Variants in TICAM2 observed in about 807,000 individuals in gnomAD.
The protein encoded by TICAM2 is TIR domain-containing adapter molecule 2.
TICAM2 carries 8 observed loss-of-function variants against 7.3 expected under a neutral mutation model. The ratio of observed to expected loss-of-function variants is 1.10; its 90% CI spans 0.65 to 1.99. The LOEUF (loss-of-function observed/expected upper bound fraction) is 1.99, where lower values mean the gene tolerates loss of function less well. Ranked by LOEUF, TICAM2 falls within the 30% of genes most tolerant of loss-of-function variation. TICAM2 has a pLI of 0.00. For synonymous variants in TICAM2, 113 were observed against 99.6 expected (o/e 1.13, Z -0.80); for missense variants, 304 against 278.8 (o/e 1.09, Z -0.65).
chr5:115,596,175 C>T (rs1244592424), intron 1 of TICAM2, among the ~76,000 whole-genome samples: 1 of 152,154 alleles, frequency 6.6e-6, no homozygotes, highest in Non-Finnish European at 1.5e-5. Flanking sequence ...CAAATTGTTT[C>T]AAGTTTCCTC....
At chr5:115,586,771 T>A (rs1236224467) in intron 1 of TICAM2, among the ~76,000 whole-genome samples, 1 of 152,244 alleles carries the variant, frequency 6.6e-6, no homozygotes, top group Non-Finnish European at 1.5e-5. Flanking sequence ...AGTTTTGTTG[T>A]TAATAAATGT....
intron 1 of TICAM2, among the ~76,000 whole-genome samples, chr5:115,582,973 C>G (rs73782705): frequency 6.6e-6 from 1 of 152,210 alleles, no homozygotes; most frequent in South Asian, 2.1e-4. Flanking sequence ...CCGTCATTCA[C>G]TCTGTCTGTA....
intron 1 of TICAM2, among the ~76,000 whole-genome samples, chr5:115,599,304 G>GC (rs1291887943): frequency 2.0e-5 from 3 of 151,942 alleles, no homozygotes; most frequent in African/African-American, 4.8e-5. Context: ...CAAAGTAACT[G>GC]CCCCCCACCA....
At chr5:115,600,280 G>A (rs1184892485) in intron 1 of TICAM2, among the ~76,000 whole-genome samples, 1 of 152,192 alleles carries the variant, frequency 6.6e-6, no homozygotes, top group African/African-American at 2.4e-5. Flanking sequence ...ATGCCTATCA[G>A]ACTTCCAAGT....
Position 115,602,239 on chromosome 5 carries a change from C to G in TICAM2, c.-202G>C, listed in dbSNP as rs1286569254. 1.3e-5 allele frequency: 2 copies of G among 152,818 alleles called. No individual in the cohort carries two copies. The highest frequency in any genetic ancestry group is 3.8e-4 in the East Asian group (2 of 5,200). The allele number at this position is 152,818 out of a possible 1,614,324, so 9.5% of individuals were successfully genotyped here. A position where few individuals can be genotyped will look rare whatever the true frequency, so the allele number is the denominator to read the frequency against. Reference sequence around the variant, plus strand: ...GTACGCGGCGCGCCGCAACCCAGTCCCCGCGACCACAGCAGCCTGCTCCCC... The same window carrying G: ...GTACGCGGCGCGCCGCAACCCAGTCGCCGCGACCACAGCAGCCTGCTCCCC... On this transcript the variant is annotated 5_prime_UTR_variant, in exon 1 of 2. Coordinates refer to ENST00000427199, the MANE Select transcript of TICAM2 (RefSeq NM_021649.7).
chr5:115,580,277 T>C lies in TICAM2; in HGVS notation c.*272A>G, dbSNP rs190669402. ...TGTTCAAGGTTCAATACAAGGAATA[T>C]GGATTGAGAATTCCTTTTTCATATC... On this transcript the variant is annotated 3_prime_UTR_variant, in exon 2 of 2. Coordinates refer to ENST00000427199, the MANE Select transcript of TICAM2 (RefSeq NM_021649.7). The C allele has an allele frequency of 3.6e-5, 12 of 334,696 alleles. No individual in the cohort carries two copies. The South Asian group carries it at 7.5e-4, about 21-fold the overall frequency. 20.7% of individuals were successfully genotyped at this position (334,696 alleles called of 1,614,324 possible).
Position 115,581,285 on chromosome 5 carries a change from C to T in TICAM2, c.-29G>A, listed in dbSNP as rs777084810. The T allele has an allele frequency of 1.9e-6, 3 of 1,601,556 alleles. No homozygotes were observed. Among genetic ancestry groups the T allele is most frequent in the African/African-American group, 1.3e-5 (1 of 75,000 alleles). On this transcript the variant is annotated 5_prime_UTR_variant, in exon 2 of 2. Coordinates refer to ENST00000427199, the MANE Select transcript of TICAM2 (RefSeq NM_021649.7). Reference sequence around the variant, plus strand: ...AAATATCCAAGGCAGAAGAGGAAAACTTTATGTATTTCTCAGCATTTCTTT... The same window carrying T: ...AAATATCCAAGGCAGAAGAGGAAAATTTTATGTATTTCTCAGCATTTCTTT...
chr5:115,594,011 T>G (rs1468118538), intron 1 of TICAM2, among the ~76,000 whole-genome samples: 2 of 152,224 alleles, frequency 1.3e-5, no homozygotes, highest in Admixed American at 1.3e-4. Flanking sequence ...CTCTATGCGC[T>G]TTTGTGTTCT....
At chr5:115,590,263 T>C (rs387718) in intron 1 of TICAM2, among the ~76,000 whole-genome samples, 85,025 of 151,992 alleles carry the variant, frequency 0.56, 24,395 homozygotes, top group African/African-American at 0.71. Context: ...TGAGCCATGA[T>C]TGCACCACTG....
rs1754908961 is a variant in TICAM2 at position 115,581,156 on chromosome 5, G to A, written c.101C>T (p.Ser34Phe). The A allele has an allele frequency of 1.2e-6, 2 of 1,613,788 alleles. No homozygotes were observed. Among genetic ancestry groups the A allele is most frequent in the Non-Finnish European group, 1.7e-6 (2 of 1,180,012 alleles). ...DTSPGYHESD[S>F]KKSEDLSLCN... ...CAAGGATAGATCTTCAGACTTCTTGGAATCTGACTCATGATATCCTGGACT... is the reference window on the plus strand; with the variant it reads ...CAAGGATAGATCTTCAGACTTCTTGAAATCTGACTCATGATATCCTGGACT... The change falls in exon 2 of 2, where the codon TCC (serine) becomes TTC (phenylalanine). Residue 34 changes from serine (S) to phenylalanine (F), a missense_variant. Physicochemically the swap from Ser to Phe is radical, Grantham distance 155. Transcript: ENST00000427199.
intron 1 of TICAM2, among the ~76,000 whole-genome samples, chr5:115,586,460 A>C (rs1356786606): frequency 1.3e-5 from 2 of 150,208 alleles, no homozygotes; most frequent in African/African-American, 2.4e-5. Context: ...CTAGCAAAGG[A>C]GGCAGAAAAG....
intron 1 of TICAM2, among the ~76,000 whole-genome samples, chr5:115,583,696 G>A (rs1755009167): frequency 6.6e-6 from 1 of 152,220 alleles, no homozygotes; most frequent in Non-Finnish European, 1.5e-5. Flanking sequence ...TTAGTGCACT[G>A]TGGTTCCCAG....
chr5:115,599,453 G>C (rs954533055), intron 1 of TICAM2, among the ~76,000 whole-genome samples: 1 of 152,160 alleles, frequency 6.6e-6, no homozygotes, highest in African/African-American at 2.4e-5. Context: ...AAGGCAAACT[G>C]TCCATCTTAT....
chr5:115,595,967 T>A (rs1281962739), intron 1 of TICAM2, among the ~76,000 whole-genome samples: 1 of 152,192 alleles, frequency 6.6e-6, no homozygotes, highest in Non-Finnish European at 1.5e-5. Context: ...CCAGCACTCT[T>A]AATTTGTCTT....
rs776205137 is a variant in TICAM2, at chr5:115,580,773, T to C, written c.484A>G (p.Asn162Asp). ...QFYTSLMNSV[N>D]RQHKYNSVIP... The stretch of plus-strand genomic sequence containing the variant: ...ACAGAGTTGTATTTATGCTGCCTGT[T>C]AACGGAGTTCATTAGGGACGTATAG... Residue 162 changes from asparagine (N) to aspartate (D), a missense_variant, in exon 2 of 2, where the codon AAC (asparagine) becomes GAC (aspartate). By Grantham distance (23) the Asn-to-Asp change is conservative. Transcript: ENST00000427199. 6.3e-7 allele frequency: 1 copy of C among 1,597,992 alleles called. No individual in the cohort carries two copies.
At chr5:115,589,871 ATAAAT>A (rs1351517461) in intron 1 of TICAM2, among the ~76,000 whole-genome samples, 2 of 152,238 alleles carry the variant, frequency 1.3e-5, no homozygotes, top group Admixed American at 6.5e-5. Context: ...TTGTGAATGA[ATAAAT>A]TAATTAGCTC....
Position 115,580,980 on chromosome 5 carries a change from C to T in TICAM2, c.277G>A (p.Ala93Thr). 6.2e-7 allele frequency: 1 copy of T among 1,613,712 alleles called. No individual in the cohort carries two copies. Among genetic ancestry groups the T allele is most frequent in the Non-Finnish European group, 8.5e-7 (1 of 1,179,808 alleles). Residue 93 changes from alanine to threonine, a missense_variant, in exon 2 of 2, where the codon GCC (alanine) becomes ACC (threonine). Physicochemically the swap from Ala to Thr is moderately conservative, Grantham distance 58. Coordinates refer to ENST00000427199, the MANE Select transcript of TICAM2 (RefSeq NM_021649.7). ...ILHAEDDTDEALRVQNLLQDD... is the reference protein window; with the variant it reads ...ILHAEDDTDETLRVQNLLQDD... ...TGTAGCAGATTCTGGACTCTGAGGGCTTCATCTGTGTCATCTTCTGCATGC... is the reference window on the plus strand; with the variant it reads ...TGTAGCAGATTCTGGACTCTGAGGGTTTCATCTGTGTCATCTTCTGCATGC...
At chr5:115,597,308 T>C (rs1561578939) in intron 1 of TICAM2, among the ~76,000 whole-genome samples, 1 of 152,200 alleles carries the variant, frequency 6.6e-6, no homozygotes, top group African/African-American at 2.4e-5. Context: ...ATGCAATCTA[T>C]GGAGATATTT....
rs975301012 is a variant in TICAM2 at position 115,579,312 on chromosome 5, T to C, written c.*1237A>G. ...CATCCTCATAGAGGACAAAAGCCTTTAGAGATCCATCAATTCAACCCTTTC... is the reference window on the plus strand; with the variant it reads ...CATCCTCATAGAGGACAAAAGCCTTCAGAGATCCATCAATTCAACCCTTTC... On this transcript the variant is annotated 3_prime_UTR_variant, in exon 2 of 2. Transcript: ENST00000427199. 2.6e-5 allele frequency: 4 copies of C among 152,650 alleles called. No homozygotes were observed. The highest frequency in any genetic ancestry group is 9.6e-5 in the African/African-American group (4 of 41,470). The allele number at this position is 152,650 out of a possible 1,614,324, so 9.5% of individuals were successfully genotyped here. A position where few individuals can be genotyped will look rare whatever the true frequency, so the allele number is the denominator to read the frequency against.
Sources: allele counts gnomAD v4.1 joint callset (sites outside exome capture counted in the v4.1 genomes callset), GRCh38; gene constraint gnomAD v4.1.1; transcripts MANE v1.5; gene names NCBI Gene and HGNC (gene_info 2026-07-23, HGNC 2026-07-21).